BMP5: variants seen among roughly 807,000 people sequenced by gnomAD.
The protein encoded by BMP5 is bone morphogenetic protein 5.
A neutral mutation model predicts 46.6 loss-of-function variants in BMP5; 23 were observed. The observed-to-expected ratio is 0.49, with a 90% CI of 0.35 to 0.70. The LOEUF is 0.70. Ranked by LOEUF, BMP5 falls within the 30% of genes least tolerant of loss-of-function variation. The pLI is 0.00. For synonymous variants in BMP5, 204 were observed against 191.9 expected (o/e 1.06, Z -0.52); for missense variants, 545 against 565.6 (o/e 0.96, Z 0.37).
At chr6:55,809,970 A>G (rs1294570099) in intron 2 of BMP5, among the ~76,000 whole-genome samples, 1 of 152,196 alleles carries the variant, frequency 6.6e-6, no homozygotes, top group Non-Finnish European at 1.5e-5. Context: ...CAATAAAAAT[A>G]TAATGATGGC....
chr6:55,864,622 CACAA>C (rs1220056283), intron 1 of BMP5, among the ~76,000 whole-genome samples: 1 of 152,108 alleles, frequency 6.6e-6, no homozygotes, highest in Non-Finnish European at 1.5e-5. Flanking sequence ...GTTACATCAA[CACAA>C]ACAGACTGAG....
intron 1 of BMP5, among the ~76,000 whole-genome samples, chr6:55,837,845 A>C (rs1011040407): frequency 2.6e-5 from 4 of 151,960 alleles, no homozygotes; most frequent in Admixed American, 6.6e-5. Context: ...CCATCTTTCT[A>C]CTATCTATGT....
Position 55,842,300 on chromosome 6 carries a change from C to T in BMP5, c.491-22453G>A, listed in dbSNP as rs542459943. 2.0e-5 allele frequency among the ~76,000 whole-genome samples: 3 copies of T among 152,088 alleles called. No individual in the cohort carries two copies. The East Asian group carries it at 5.8e-4, about 29-fold the overall frequency. On this transcript the variant is annotated intron_variant, in intron 1 of 6. Transcript: ENST00000370830. ...CCTAAGATGTGGCCTTTCTGGGACC[C>T]TAACCGAATGTTCAAGAAGTCAGCA...
chr6:55,824,398 C>T (rs1389888182), intron 1 of BMP5, among the ~76,000 whole-genome samples: 1 of 151,890 alleles, frequency 6.6e-6, no homozygotes, highest in African/African-American at 2.4e-5. Context: ...TTTCCAGAAT[C>T]TTTACCAGTA....
intron 1 of BMP5, among the ~76,000 whole-genome samples, chr6:55,845,978 TAG>T (rs1460880410): frequency 3.3e-5 from 5 of 151,932 alleles, no homozygotes. Flanking sequence ...TGCTGTCTCC[TAG>T]AGAGAGTTTG....
intron 1 of BMP5, among the ~76,000 whole-genome samples, chr6:55,832,205 G>A (rs1336407947): frequency 3.3e-5 from 5 of 152,104 alleles, no homozygotes; most frequent in East Asian, 3.8e-4. Flanking sequence ...TGCCTCTTGG[G>A]TCATTTGAGA....
At chr6:55,779,071 T>C (rs1192773442) in intron 3 of BMP5, among the ~76,000 whole-genome samples, 1 of 152,108 alleles carries the variant, frequency 6.6e-6, no homozygotes, top group Non-Finnish European at 1.5e-5. Context: ...TTTATTTCTT[T>C]CAAAACAGAG....
chr6:55,762,806 T>C (rs1774819185), intron 4 of BMP5, among the ~76,000 whole-genome samples: 1 of 152,164 alleles, frequency 6.6e-6, no homozygotes, highest in Non-Finnish European at 1.5e-5. Context: ...TAAACTTCTT[T>C]AAACTTTTTT....
At chr6:55,804,569 T>C (rs914919831) in intron 2 of BMP5, among the ~76,000 whole-genome samples, 1 of 152,050 alleles carries the variant, frequency 6.6e-6, no homozygotes, top group Admixed American at 6.6e-5. Context: ...ATTTCACATA[T>C]TAAATAGGGA....
intron 1 of BMP5, among the ~76,000 whole-genome samples, chr6:55,864,021 T>C (rs1440398337): frequency 6.6e-6 from 1 of 151,960 alleles, no homozygotes; most frequent in Non-Finnish European, 1.5e-5. Context: ...TGCATAACCG[T>C]GAATGCATCA....
At chr6:55,867,321 T>C (rs1219698254) in intron 1 of BMP5, among the ~76,000 whole-genome samples, 2 of 152,150 alleles carry the variant, frequency 1.3e-5, no homozygotes, top group Non-Finnish European at 2.9e-5. Context: ...CTGGTAACTA[T>C]GCCCCCTGCC....
chr6:55,829,207 G>A (rs571336917), intron 1 of BMP5, among the ~76,000 whole-genome samples: 6 of 151,836 alleles, frequency 4.0e-5, no homozygotes, highest in East Asian at 1.9e-4. Flanking sequence ...TGTCTCCCCC[G>A]GTAGATTGTA....
intron 1 of BMP5, among the ~76,000 whole-genome samples, chr6:55,829,307 T>C (rs1169864068): frequency 6.6e-6 from 1 of 151,774 alleles, no homozygotes; most frequent in African/African-American, 2.4e-5. Flanking sequence ...TTCATATACA[T>C]GTATAATAAA....
chr6:55,769,687 G>A (rs995838677), intron 4 of BMP5, among the ~76,000 whole-genome samples: 5 of 151,970 alleles, frequency 3.3e-5, no homozygotes, highest in Middle Eastern at 3.4e-3. Flanking sequence ...TCCTTCAGGG[G>A]AATCACTATT....
Position 55,874,837 on chromosome 6 carries a change from C to G in BMP5, c.29G>C (p.Gly10Ala). 6.2e-7 allele frequency: 1 copy of G among 1,613,096 alleles called. No homozygotes were observed. The highest frequency in any genetic ancestry group is 8.5e-7 in the Non-Finnish European group (1 of 1,179,516). The part of the protein sequence containing the change: MHLTVFLLK[G>A]IVGFLWSCWV... ...GCAGCTCCAGAGGAAACCCACAATACCCTTAAGTAAAAATACAGTCAGATG... is the reference window on the plus strand; with the variant it reads ...GCAGCTCCAGAGGAAACCCACAATAGCCTTAAGTAAAAATACAGTCAGATG... Residue 10 changes from glycine to alanine, a missense_variant, in exon 1 of 7, where the codon GGT (glycine) becomes GCT (alanine). Physicochemically the swap from Gly to Ala is moderately conservative, Grantham distance 60. Coordinates refer to ENST00000370830, the MANE Select transcript of BMP5 (RefSeq NM_021073.4).
At chr6:55,848,679 A>C (rs1173633536) in intron 1 of BMP5, among the ~76,000 whole-genome samples, 1 of 151,912 alleles carries the variant, frequency 6.6e-6, no homozygotes, top group African/African-American at 2.4e-5. Flanking sequence ...GAAAGATAAT[A>C]TCATCTCCTG....
At chr6:55,812,316 G>T (rs1007370989) in intron 2 of BMP5, among the ~76,000 whole-genome samples, 2 of 152,054 alleles carry the variant, frequency 1.3e-5, no homozygotes, top group African/African-American at 4.8e-5. Flanking sequence ...TGGGAGAAAT[G>T]GTAGGAATAA....
At chr6:55,863,462 T>C (rs1777569595) in intron 1 of BMP5, among the ~76,000 whole-genome samples, 1 of 152,138 alleles carries the variant, frequency 6.6e-6, no homozygotes, top group Non-Finnish European at 1.5e-5. Context: ...TTTACATCAA[T>C]ACATTGGCAG....
intron 2 of BMP5, among the ~76,000 whole-genome samples, chr6:55,798,343 T>G (rs1004724608): frequency 6.6e-6 from 1 of 151,994 alleles, no homozygotes; most frequent in Non-Finnish European, 1.5e-5. Context: ...ATAAAGCGGG[T>G]TTTTTTAAGG....
Sources: allele counts gnomAD v4.1 joint callset (sites outside exome capture counted in the v4.1 genomes callset), GRCh38; gene constraint gnomAD v4.1.1; transcripts MANE v1.5; gene names NCBI Gene and HGNC (gene_info 2026-07-23, HGNC 2026-07-21).